Variants in CAMK2G observed in about 807,000 individuals in gnomAD.
CAMK2G encodes calcium/calmodulin-dependent protein kinase type II subunit gamma.
Under a neutral mutation model 88.7 loss-of-function variants are expected in CAMK2G, and 23 were observed. The observed-to-expected ratio is 0.26, with a 90% CI of 0.19 to 0.37. CAMK2G has a LOEUF of 0.37. Among genes scored for constraint, CAMK2G ranks in the 10% least tolerant of loss-of-function variants. The pLI is 1.00. For synonymous variants in CAMK2G, 263 were observed against 294.8 expected, an observed-to-expected ratio of 0.89 and a Z score of 1.11; for missense variants, 476 against 780.8, an observed-to-expected ratio of 0.61 and a Z score of 4.65.
At chr10:73,833,600 CTT>C (rs60516273) in intron 14 of CAMK2G, among the ~76,000 whole-genome samples, 1 of 143,838 alleles carries the variant, frequency 7.0e-6, no homozygotes. Flanking sequence ...ATCTATCTTC[CTT>C]TTTTTTTTTT....
chr10:73,825,109 C>T (rs1054492644), intron 16 of CAMK2G, among the ~76,000 whole-genome samples, 170 bp downstream of exon 16: 3 of 152,196 alleles, frequency 2.0e-5, no homozygotes, highest in African/African-American at 4.8e-5. Flanking sequence ...CGCGGCCAGG[C>T]GGGACAATGA....
chr10:73,859,484 C>T (rs1055402708), intron 3 of CAMK2G, among the ~76,000 whole-genome samples: 5 of 152,212 alleles, frequency 3.3e-5, no homozygotes, highest in Admixed American at 3.3e-4. Flanking sequence ...GACTGCTGTT[C>T]TAGGTGTTTC....
rs1031605435 is a variant in CAMK2G at position 73,848,958 on chromosome 10, C to G, written c.517+55G>C. On this transcript the variant is annotated intron_variant, in intron 7 of 22. Transcript: ENST00000423381. This position sits in a 1 kb window ranked among gnomAD's most constrained non-coding sequence, Gnocchi z 4.5. ...CTAGTTCTAATAGAGGAAGGCAGATCAGGAAGAGGAGGAAGGGCGGGGGCT... is the reference window on the plus strand; with the variant it reads ...CTAGTTCTAATAGAGGAAGGCAGATGAGGAAGAGGAGGAAGGGCGGGGGCT... 1.8e-6 allele frequency: 2 copies of G among 1,104,374 alleles called. No homozygotes were observed. Among genetic ancestry groups the G allele is most frequent in the African/African-American group, 3.1e-5 (2 of 65,442 alleles). 68.4% of individuals were successfully genotyped at this position (1,104,374 alleles called of 1,614,324 possible).
chr10:73,824,500 C>G (rs1409697675), intron 16 of CAMK2G, among the ~76,000 whole-genome samples: 1 of 152,212 alleles, frequency 6.6e-6, no homozygotes, highest in Non-Finnish European at 1.5e-5. Flanking sequence ...GGAACATGGG[C>G]AGAAGAATGA....
intron 12 of CAMK2G, among the ~76,000 whole-genome samples, chr10:73,840,984 G>A (rs535159726): frequency 6.6e-6 from 1 of 152,312 alleles, no homozygotes; most frequent in South Asian, 2.1e-4. Context: ...CAGTATGCCC[G>A]TCGTGGGTAC....
chr10:73,841,234 G>T (rs1367384147), intron 12 of CAMK2G, among the ~76,000 whole-genome samples: 1 of 152,204 alleles, frequency 6.6e-6, no homozygotes, highest in Admixed American at 6.5e-5. Flanking sequence ...CCACTGAGTG[G>T]TGGCTTAGGC....
intron 2 of CAMK2G, among the ~76,000 whole-genome samples, chr10:73,870,135 C>T (rs1430800158): frequency 5.3e-5 from 8 of 152,178 alleles, no homozygotes; most frequent in African/African-American, 1.9e-4. Flanking sequence ...GGCTCAGGCT[C>T]CTTGAGGGGG....
intron 14 of CAMK2G, among the ~76,000 whole-genome samples, chr10:73,828,350 A>G (rs2091656744): frequency 6.6e-6 from 1 of 152,176 alleles, no homozygotes; most frequent in Non-Finnish European, 1.5e-5. Flanking sequence ...GTTCATAGAC[A>G]CAGATTTAGT....
At chr10:73,852,358 G>A in intron 4 of CAMK2G, 39 bp from the exon 5 acceptor site, 1 of 1,573,234 alleles carries the variant, frequency 6.4e-7, no homozygotes, top group Non-Finnish European at 8.8e-7. Flanking sequence ...AGGCAGAAAG[G>A]GTCCTTTGTC....
In CAMK2G at chr10:73,839,436, G is replaced by T; in HGVS notation, c.1009+103C>A. Reference sequence around the variant, plus strand: ...CTGGCATGCCCATCTCAGCCCGCAAGCATGGGACTCGCCTCCCTGGTGAGT... The same window carrying T: ...CTGGCATGCCCATCTCAGCCCGCAATCATGGGACTCGCCTCCCTGGTGAGT... On this transcript the variant is annotated intron_variant, in intron 13 of 22. Coordinates refer to ENST00000423381, the MANE Select transcript of CAMK2G (RefSeq NM_001367534.1). This position sits in a 1 kb window ranked among gnomAD's most constrained non-coding sequence, Gnocchi z 4.2. 1.8e-6 allele frequency: 1 copy of T among 566,294 alleles called. No individual in the cohort carries two copies. The highest frequency in any genetic ancestry group is 2.6e-6 in the Non-Finnish European group (1 of 379,804). 35.1% of individuals were successfully genotyped at this position (566,294 alleles called of 1,614,324 possible). A position where few individuals can be genotyped will look rare whatever the true frequency, so the allele number is the denominator to read the frequency against.
At chr10:73,863,956 A>G (rs758644075) in intron 2 of CAMK2G, among the ~76,000 whole-genome samples, 1 of 152,232 alleles carries the variant, frequency 6.6e-6, no homozygotes, top group Non-Finnish European at 1.5e-5. Context: ...TTAACAACAC[A>G]TCGGTTTTGA....
At chr10:73,828,641 A>G (rs551395519) in intron 14 of CAMK2G, among the ~76,000 whole-genome samples, 13 of 152,252 alleles carry the variant, frequency 8.5e-5, no homozygotes, top group South Asian at 2.1e-4. Context: ...TTACATAAAG[A>G]TGCTGAGCTT....
intron 2 of CAMK2G, among the ~76,000 whole-genome samples, chr10:73,872,624 A>T (rs2095872005): frequency 6.6e-6 from 1 of 152,202 alleles, no homozygotes; most frequent in Non-Finnish European, 1.5e-5. Context: ...GGACCAGGAA[A>T]GGCCTGCAGT....
intron 3 of CAMK2G, among the ~76,000 whole-genome samples, chr10:73,860,228 A>T (rs896054564): frequency 6.6e-6 from 1 of 152,182 alleles, no homozygotes; most frequent in African/African-American, 2.4e-5. Context: ...CTTTAGCACA[A>T]CCAACAATGT....
chr10:73,848,951 G>C lies in CAMK2G; in HGVS notation c.517+62C>G, dbSNP rs1377180416. On this transcript the variant is annotated intron_variant, in intron 7 of 22. Coordinates refer to ENST00000423381, the MANE Select transcript of CAMK2G (RefSeq NM_001367534.1). This position sits in a 1 kb window ranked among gnomAD's most constrained non-coding sequence, Gnocchi z 4.5. ...CTGGCTTCTAGTTCTAATAGAGGAA[G>C]GCAGATCAGGAAGAGGAGGAAGGGC... 1.1e-5 allele frequency: 11 copies of C among 1,040,792 alleles called. No homozygotes were observed. The highest frequency in any genetic ancestry group is 1.7e-5 in the Non-Finnish European group (11 of 657,136). 64.5% of individuals were successfully genotyped at this position (1,040,792 alleles called of 1,614,324 possible).
In CAMK2G at chr10:73,825,299, C is replaced by G; in HGVS notation, c.1135G>C (p.Ala379Pro). The change falls in exon 16 of 23, where the codon GCG becomes CCG. Residue 379 changes from alanine to proline, a missense_variant. Ala to Pro is a conservative substitution (Grantham distance 27). Transcript: ENST00000423381. ...NSLVSPAQEP[A>P]PLQTAMEPQT... Reference sequence around the variant, plus strand: ...GGTACCATGGCCGTCTGCAAGGGCGCGGGCTCTTGGGCTGGGCTTACGAGA... The same window carrying G: ...GGTACCATGGCCGTCTGCAAGGGCGGGGGCTCTTGGGCTGGGCTTACGAGA... 6.2e-7 allele frequency: 1 copy of G among 1,613,656 alleles called. No individual in the cohort carries two copies. The highest frequency in any genetic ancestry group is 8.5e-7 in the Non-Finnish European group (1 of 1,179,646).
At chr10:73,841,267 G>C (rs1419501769) in intron 12 of CAMK2G, among the ~76,000 whole-genome samples, 1 of 152,218 alleles carries the variant, frequency 6.6e-6, no homozygotes, top group African/African-American at 2.4e-5. Context: ...CCCTTTCCAT[G>C]GTGGTGCAGA....
At chr10:73,818,396 A>C in intron 19 of CAMK2G, 1 of 300,670 alleles carries the variant, frequency 3.3e-6, no homozygotes, top group Non-Finnish European at 6.7e-6. Context: ...CTTCTCTTAT[A>C]GGGAATGCCA....
At chr10:73,861,104 G>T (rs995945058) in intron 2 of CAMK2G, among the ~76,000 whole-genome samples, 2 of 152,080 alleles carry the variant, frequency 1.3e-5, no homozygotes, top group African/African-American at 4.8e-5. Context: ...TGGCATGATC[G>T]CAGCCTCAAA....
Sources: allele counts gnomAD v4.1 joint callset (sites outside exome capture counted in the v4.1 genomes callset), GRCh38; gene constraint gnomAD v4.1.1; non-coding constraint Gnocchi (gnomAD v3.1); transcripts MANE v1.5; gene names NCBI Gene and HGNC (gene_info 2026-07-23, HGNC 2026-07-21).